ZNF143: variants seen among roughly 807,000 people sequenced by gnomAD.
ZNF143 encodes SPH-binding factor.
Under a neutral mutation model 74.1 loss-of-function variants are expected in ZNF143, and 49 were observed. The observed-to-expected ratio is 0.66, with a 90% CI of 0.53 to 0.84. The LOEUF (loss-of-function observed/expected upper bound fraction) is 0.84. Ranked by LOEUF, ZNF143 falls within the 40% of genes least tolerant of loss-of-function variation. The probability of loss-of-function intolerance (pLI) is 0.00; values close to 1 mark genes in which losing one functional copy is unlikely to be tolerated. For missense variants in ZNF143, 637 were observed against 793.4 expected (o/e 0.80, Z 2.37); for synonymous variants, 304 against 282.8 (o/e 1.07, Z -0.75).
intron 10 of ZNF143, among the ~76,000 whole-genome samples, chr11:9,498,422 G>A (rs1313330635): frequency 6.6e-6 from 1 of 152,166 alleles, no homozygotes; most frequent in East Asian, 1.9e-4. Context: ...GCCGAGCTGA[G>A]ACAGAACCTA....
intron 1 of ZNF143, among the ~76,000 whole-genome samples, chr11:9,462,380 G>A (rs1463089562): frequency 6.6e-6 from 1 of 151,950 alleles, no homozygotes; most frequent in Admixed American, 6.6e-5. Flanking sequence ...GCAGCATAGG[G>A]AGACGGCCCT....
chr11:9,471,575 G>A (rs973277579), intron 2 of ZNF143, among the ~76,000 whole-genome samples, 155 bp downstream of exon 2: 7 of 151,286 alleles, frequency 4.6e-5, no homozygotes, highest in Admixed American at 6.6e-5. Flanking sequence ...GAAACGGGAC[G>A]GAGTTTTACT....
chr11:9,523,814 G>A (rs746737150), intron 14 of ZNF143, among the ~76,000 whole-genome samples: 10 of 151,968 alleles, frequency 6.6e-5, no homozygotes, highest in South Asian at 4.1e-4. Flanking sequence ...TTGGGAGGCC[G>A]AGGCGGGTGG....
chr11:9,463,465 T>C (rs1855993762), intron 1 of ZNF143, among the ~76,000 whole-genome samples: 2 of 152,254 alleles, frequency 1.3e-5, no homozygotes, highest in Admixed American at 6.5e-5. Flanking sequence ...TTTTTGATTA[T>C]AGTTTTTCTA....
rs148797930 is a variant in ZNF143 at position 9,473,161 on chromosome 11, C to A, written c.205+392C>A. Among the ~76,000 whole-genome samples, 680 of 152,006 alleles carry A rather than the reference C, an allele frequency of 4.5e-3. 6 individuals are homozygous for A. The highest frequency in any genetic ancestry group is 0.016 in the African/African-American group (656 of 41,438). ...ATCCCAACGCTTTGGAAGGCCGAGG[C>A]GGGCAGATCACCTGAGGTCGGGAGT... On this transcript the variant is annotated intron_variant, in intron 3 of 15. Transcript: ENST00000396602.
intron 9 of ZNF143, among the ~76,000 whole-genome samples, chr11:9,496,990 A>G (rs1183656091): frequency 6.6e-6 from 1 of 152,196 alleles, no homozygotes; most frequent in East Asian, 1.9e-4. Flanking sequence ...CATAGACTCT[A>G]ACATCAGGAC....
At chr11:9,514,310 C>T (rs1848651410) in intron 13 of ZNF143, among the ~76,000 whole-genome samples, 1 of 152,180 alleles carries the variant, frequency 6.6e-6, no homozygotes, top group African/African-American at 2.4e-5. Context: ...CTTTCCCATC[C>T]CAATGTTGTA....
Position 9,471,307 on chromosome 11 carries a change from A to C in ZNF143, c.-2A>C. 1 of 1,602,838 alleles carries C rather than the reference A, an allele frequency of 6.2e-7. No individual in the cohort carries two copies. Among genetic ancestry groups the C allele is most frequent in the Non-Finnish European group, 8.5e-7 (1 of 1,176,724 alleles). ...TGTCTTTATTTTTCTTCAAGGTAGA[A>C]GATGTTGTTAGCCCAAATAAATCGA... On this transcript the variant is annotated 5_prime_UTR_variant, in exon 2 of 16. Coordinates refer to ENST00000396602, the MANE Select transcript of ZNF143 (RefSeq NM_003442.6).
intron 7 of ZNF143, among the ~76,000 whole-genome samples, chr11:9,493,719 A>G (rs1025986859): frequency 1.1e-4 from 16 of 152,308 alleles, no homozygotes; most frequent in African/African-American, 3.8e-4. Context: ...CTGCAGAGAT[A>G]GGATGTTGCA....
intron 12 of ZNF143, among the ~76,000 whole-genome samples, chr11:9,511,086 C>T (rs1266112016): frequency 1.3e-5 from 2 of 149,306 alleles, no homozygotes; most frequent in Non-Finnish European, 3.0e-5. Flanking sequence ...ATAGTCTTAA[C>T]CACTTTTAAC....
At chr11:9,515,142 C>G (rs1175965727) in intron 13 of ZNF143, among the ~76,000 whole-genome samples, 3 of 151,802 alleles carry the variant, frequency 2.0e-5, no homozygotes, top group Non-Finnish European at 2.9e-5. Flanking sequence ...AAAGTCTGAA[C>G]TATAGGTGAT....
intron 14 of ZNF143, among the ~76,000 whole-genome samples, chr11:9,520,323 A>ATTT (rs984661960): frequency 1.6e-5 from 2 of 122,396 alleles, no homozygotes; most frequent in Admixed American, 8.4e-5. Flanking sequence ...TGCCTGTCCA[A>ATTT]TTTTTTTTTT....
intron 11 of ZNF143, among the ~76,000 whole-genome samples, chr11:9,502,644 A>G (rs936558258): frequency 4.0e-5 from 6 of 151,320 alleles, no homozygotes; most frequent in African/African-American, 1.2e-4. Context: ...AGTGTTTTTT[A>G]GTATATTCAC....
At chr11:9,524,314 C>T (rs1411076727) in intron 14 of ZNF143, among the ~76,000 whole-genome samples, 1 of 152,156 alleles carries the variant, frequency 6.6e-6, no homozygotes, top group Non-Finnish European at 1.5e-5. Context: ...CATTGCTCCT[C>T]AAAGCCTTCA....
chr11:9,465,524 G>A (rs924935882), intron 1 of ZNF143, among the ~76,000 whole-genome samples: 1 of 151,470 alleles, frequency 6.6e-6, no homozygotes, highest in Non-Finnish European at 1.5e-5. Flanking sequence ...TTCTGAAATG[G>A]AGTCTCACTC....
intron 7 of ZNF143, among the ~76,000 whole-genome samples, chr11:9,483,994 C>T (rs951171655): frequency 6.0e-5 from 9 of 151,214 alleles, no homozygotes; most frequent in South Asian, 2.1e-4. Context: ...GTGATCCGCC[C>T]GCCTCAGCCT....
At chr11:9,515,658 A>T (rs1482753280) in intron 13 of ZNF143, among the ~76,000 whole-genome samples, 2 of 151,058 alleles carry the variant, frequency 1.3e-5, no homozygotes, top group Middle Eastern at 3.2e-3. Context: ...TGTCTCAAAA[A>T]AAAAAAAAAA....
At chr11:9,461,951 G>C (rs1355861641) in intron 1 of ZNF143, 1 of 152,220 alleles carries the variant, frequency 6.6e-6, no homozygotes, top group Non-Finnish European at 1.5e-5. Context: ...GTGAGAATGT[G>C]GGGAGAAATT....
chr11:9,486,429 T>TAAAATATATTATATATATTA (rs1554964464), intron 7 of ZNF143, among the ~76,000 whole-genome samples: 12 of 45,226 alleles, frequency 2.7e-4, no homozygotes, highest in Admixed American at 8.2e-4. Context: ...ATTATATATA[T>TAAAATATATTATATATATTA]TATATATATA....
Sources: allele counts gnomAD v4.1 joint callset (sites outside exome capture counted in the v4.1 genomes callset), GRCh38; gene constraint gnomAD v4.1.1; transcripts MANE v1.5; gene names NCBI Gene and HGNC (gene_info 2026-07-23, HGNC 2026-07-21).